NOTCH2NLR: variants seen among roughly 807,000 people sequenced by gnomAD.
NOTCH2NLR encodes the protein notch 2 N-terminal like R, also known as notch 2 N-terminal like R (pseudogene).
A neutral mutation model predicts 35.6 loss-of-function variants in NOTCH2NLR; 33 were observed. That is an observed-to-expected ratio of 0.93 (90% CI 0.70 to 1.24). The LOEUF (loss-of-function observed/expected upper bound fraction) is 1.24, where lower values mean the gene tolerates loss of function less well. Among genes scored for constraint, NOTCH2NLR ranks in the 50% most tolerant of loss-of-function variants. The pLI is 0.00. For missense variants in NOTCH2NLR, 276 were observed against 362.2 expected (o/e 0.76, Z 1.93); for synonymous variants, 103 against 141.0 (o/e 0.73, Z 1.91).
Position 120,793,363 on chromosome 1 carries a change from G to A in NOTCH2NLR, c.618G>A (p.Gln206=), listed in dbSNP as rs1651515192. ...GCCTCAACCTGCCTGGTTCCTACCA[G>A]TGCCAGTGCCTTCAGGGCTTCACAG... is the stretch of plus-strand genomic sequence containing the variant. The change falls in exon 4 of 5, where the codon CAG becomes CAA. Residue 206 remains glutamine (Q), a synonymous_variant. Transcript: ENST00000624419. The A allele has an allele frequency of 1.4e-6, 2 of 1,426,268 alleles. 1 individual carries two copies. The highest frequency in any genetic ancestry group is 5.4e-5 in the African/African-American group (2 of 37,358). 88.4% of individuals were successfully genotyped at this position (1,426,268 alleles called of 1,614,324 possible). A position where few individuals can be genotyped will look rare whatever the true frequency, so the allele number is the denominator to read the frequency against.
At chr1:120,770,860 A>C (rs1651255919) in intron 2 of NOTCH2NLR, among the ~76,000 whole-genome samples, 1 of 117,080 alleles carries the variant, frequency 8.5e-6, no homozygotes, top group South Asian at 2.5e-4. Flanking sequence ...GGGACTTTTC[A>C]GATCAGGAAT....
intron 1 of NOTCH2NLR, among the ~76,000 whole-genome samples, chr1:120,748,151 C>T (rs1372318700): frequency 2.1e-4 from 8 of 37,326 alleles, no homozygotes; most frequent in African/African-American, 1.5e-3. Context: ...AGTCTTTCCA[C>T]CTTAACTAGC....
In NOTCH2NLR at chr1:120,763,625, TA is replaced by T. The variant is rs2101408961; in HGVS notation, c.74-2del. The T allele has an allele frequency of 2.2e-6, 3 of 1,348,542 alleles. 1 individual carries two copies. In the East Asian group the frequency reaches 7.1e-5, roughly 32 times the overall value. 83.5% of individuals were successfully genotyped at this position (1,348,542 alleles called of 1,614,324 possible). ...TCTAATGTGCATTTGTTTTTATTTT[TA>T]GCATTGCAGTGTCGAGATGGCTATG... On this transcript the variant is annotated splice_acceptor_variant, in intron 1 of 4. Transcript: ENST00000624419. LOFTEE classifies it high-confidence loss of function.
At chr1:120,744,173 A>AC (rs1650960315) in intron 1 of NOTCH2NLR, among the ~76,000 whole-genome samples, 1 of 97,926 alleles carries the variant, frequency 1.0e-5, no homozygotes, top group South Asian at 3.0e-4. Flanking sequence ...TGCTGGGCTC[A>AC]CCCCCAGAGT....
chr1:120,784,177 G>A (rs1651396722), intron 2 of NOTCH2NLR, among the ~76,000 whole-genome samples: 3 of 117,924 alleles, frequency 2.5e-5, no homozygotes. Flanking sequence ...CTAAGCTGAT[G>A]TCCAGCCCTC....
Position 120,733,113 on chromosome 1 carries a change from T to TA in NOTCH2NLR, c.73+8863_73+8864insA, listed in dbSNP as rs1650881354. ...ATTTAGAAAAGCTGTTGATTTATTT[T>TA]TATATATATATATATATATGTTTAG... On this transcript the variant is annotated intron_variant, in intron 1 of 4. Transcript: ENST00000624419. 6.1e-4 allele frequency among the ~76,000 whole-genome samples: 52 copies of TA among 85,056 alleles called. 8 individuals are homozygous for TA. The highest frequency in any genetic ancestry group is 5.2e-3 in the Admixed American group (43 of 8,328). 55.8% of individuals were successfully genotyped at this position (85,056 alleles called of 152,430 possible). A position where few individuals can be genotyped will look rare whatever the true frequency, so the allele number is the denominator to read the frequency against.
rs1650855922 is a variant in NOTCH2NLR, at chr1:120,729,724, A to G, written c.73+5474A>G. On this transcript the variant is annotated intron_variant, in intron 1 of 4. Coordinates refer to ENST00000624419, the Ensembl canonical transcript of NOTCH2NLR. The stretch of plus-strand genomic sequence containing the variant: ...CAGTGTTTCCCTAACTTCTCTTATG[A>G]TAAGAATAGCTCAGGTGTTCTCATG... 1.7e-5 allele frequency among the ~76,000 whole-genome samples: 2 copies of G among 117,194 alleles called. 1 individual carries two copies. Among genetic ancestry groups the G allele is most frequent in the Admixed American group, 1.6e-4 (2 of 12,366 alleles). 76.9% of individuals were successfully genotyped at this position (117,194 alleles called of 152,430 possible). A position where few individuals can be genotyped will look rare whatever the true frequency, so the allele number is the denominator to read the frequency against.
At chr1:120,790,562 TTC>T (rs1651478151) in intron 3 of NOTCH2NLR, among the ~76,000 whole-genome samples, 1 of 102,984 alleles carries the variant, frequency 9.7e-6, no homozygotes, top group Admixed American at 9.6e-5. Context: ...CTTTCTTTCT[TTC>T]TTTCTTTCTT....
intron 1 of NOTCH2NLR, among the ~76,000 whole-genome samples, chr1:120,752,552 A>ACTTTTT (rs1651031764): frequency 1.1e-4 from 1 of 8,976 alleles, no homozygotes; most frequent in African/African-American, 6.9e-4. Context: ...ATATATATAT[A>ACTTTTT]TATTTTTTTT....
chr1:120,779,539 C>A (rs1453400538), intron 2 of NOTCH2NLR, among the ~76,000 whole-genome samples: 1 of 120,390 alleles, frequency 8.3e-6, no homozygotes, highest in Non-Finnish European at 1.7e-5. Context: ...AATTAATAAA[C>A]TCCCTACAGG....
At chr1:120,787,963 A>G (rs1327729441) in intron 3 of NOTCH2NLR, among the ~76,000 whole-genome samples, 2 of 110,642 alleles carry the variant, frequency 1.8e-5, no homozygotes, top group South Asian at 2.6e-4. Context: ...ATTGATGACT[A>G]CCTTCTTCTA....
At chr1:120,752,546 A>AT (rs1651030391) in intron 1 of NOTCH2NLR, among the ~76,000 whole-genome samples, 2 of 12,760 alleles carry the variant, frequency 1.6e-4, no homozygotes, top group Non-Finnish European at 2.7e-4. Context: ...ATATATATAT[A>AT]TATATATATT....
Position 120,793,405 on chromosome 1 carries a change from A to T in NOTCH2NLR, c.660A>T (p.Arg220Ser), listed in dbSNP as rs1256689686. Residue 220 changes from arginine (R) to serine (S), a missense_variant, in exon 4 of 5, where the codon AGA (arginine) becomes AGT (serine). Coordinates refer to ENST00000624419, the Ensembl canonical transcript of NOTCH2NLR. ...GCTTCACAGGCCAGTACTGTGACAG[A>T]CTGTATGTGCCCTGTGCACACTCGC... 4 of 1,439,624 alleles carry T rather than the reference A, an allele frequency of 2.8e-6. 1 individual carries two copies. Among genetic ancestry groups the T allele is most frequent in the Non-Finnish European group, 3.7e-6 (4 of 1,076,864 alleles). 89.2% of individuals were successfully genotyped at this position (1,439,624 alleles called of 1,614,324 possible).
intron 2 of NOTCH2NLR, among the ~76,000 whole-genome samples, chr1:120,770,128 C>CT: frequency 9.6e-6 from 1 of 104,382 alleles, no homozygotes; most frequent in East Asian, 2.2e-4. Flanking sequence ...AGTAAGGGTC[C>CT]TGGAAGATCC....
Position 120,779,687 on chromosome 1 carries a change from TA to T in NOTCH2NLR, c.156-5286del, listed in dbSNP as rs1651340620. 1.6e-5 allele frequency among the ~76,000 whole-genome samples: 2 copies of T among 122,796 alleles called. 1 individual carries two copies. Among genetic ancestry groups the T allele is most frequent in the Non-Finnish European group, 3.3e-5 (2 of 60,584 alleles). 80.6% of individuals were successfully genotyped at this position (122,796 alleles called of 152,430 possible). On this transcript the variant is annotated intron_variant, in intron 2 of 4. Transcript: ENST00000624419. ...CTGGGTAGCTTAATGGAATTATAGA[TA>T]TGTAAGGGGTGTTGGGTGTTTAGCC...
chr1:120,763,610 A>T lies in NOTCH2NLR; in HGVS notation c.74-18A>T. The T allele has an allele frequency of 1.6e-6, 2 of 1,213,572 alleles. No individual in the cohort carries two copies. The highest frequency in any genetic ancestry group is 2.4e-5 in the East Asian group (1 of 41,188). The allele number at this position is 1,213,572 out of a possible 1,614,324, so 75.2% of individuals were successfully genotyped here. On this transcript the variant is annotated intron_variant, in intron 1 of 4. Coordinates refer to ENST00000624419, the Ensembl canonical transcript of NOTCH2NLR. Reference sequence around the variant, plus strand: ...GATTAGTGACTTACTTCTAATGTGCATTTGTTTTTATTTTTAGCATTGCAG... The same window carrying T: ...GATTAGTGACTTACTTCTAATGTGCTTTTGTTTTTATTTTTAGCATTGCAG...
intron 1 of NOTCH2NLR, among the ~76,000 whole-genome samples, chr1:120,758,253 A>G (rs1651096737): frequency 8.3e-6 from 1 of 119,868 alleles, no homozygotes; most frequent in South Asian, 2.5e-4. Flanking sequence ...TGGTTAAAGT[A>G]AGAAATGGCT....
downstream of NOTCH2NLR, among the ~76,000 whole-genome samples, chr1:120,794,246 G>T (rs1651530509): frequency 8.8e-6 from 1 of 113,442 alleles, no homozygotes; most frequent in Admixed American, 8.5e-5. Context: ...CAGTGTCGGG[G>T]AGCTTGGGGC....
intron 1 of NOTCH2NLR, among the ~76,000 whole-genome samples, chr1:120,728,833 G>A (rs1650844594): frequency 9.3e-6 from 1 of 107,006 alleles, no homozygotes; most frequent in Admixed American, 8.9e-5. Context: ...TTTGAACCAA[G>A]AGAGTCCCCT....
Sources: allele counts gnomAD v4.1 joint callset (sites outside exome capture counted in the v4.1 genomes callset), GRCh38; gene constraint gnomAD v4.1.1; transcripts MANE v1.5; gene names NCBI Gene and HGNC (gene_info 2026-07-23, HGNC 2026-07-21).